DAB1: variants seen among roughly 807,000 people sequenced by gnomAD.
The protein encoded by DAB1 is DAB adaptor protein 1.
Under a neutral mutation model 64.6 loss-of-function variants are expected in DAB1, and 15 were observed. The observed-to-expected ratio is 0.23, with a 90% confidence interval of 0.16 to 0.36. The LOEUF (loss-of-function observed/expected upper bound fraction) is 0.36. DAB1 is among the 10% of genes least tolerant of loss of function. The pLI is 1.00. For missense variants in DAB1, 596 were observed against 706.7 expected (o/e 0.84, Z 1.78); for synonymous variants, 235 against 251.9 (o/e 0.93, Z 0.64).
At chr1:57,293,125 G>T (rs1177331649) in intron 1 of DAB1, among the ~76,000 whole-genome samples, 1 of 152,088 alleles carries the variant, frequency 6.6e-6, no homozygotes, top group Non-Finnish European at 1.5e-5. Flanking sequence ...ACCAGTAAAA[G>T]GAGGCACGAC....
chr1:57,217,544 G>C (rs1666521025), intron 2 of DAB1, among the ~76,000 whole-genome samples: 1 of 152,062 alleles, frequency 6.6e-6, no homozygotes, highest in Non-Finnish European at 1.5e-5. Context: ...GCTTATCACT[G>C]AAACACATCC....
intron 5 of DAB1, among the ~76,000 whole-genome samples, chr1:58,025,007 A>G (rs1266069842): frequency 6.6e-6 from 1 of 152,006 alleles, no homozygotes; most frequent in Non-Finnish European, 1.5e-5. Context: ...AAGTCTATCT[A>G]CCATCTATCT....
intron 1 of DAB1, among the ~76,000 whole-genome samples, chr1:57,829,141 C>A (rs1652479662): frequency 6.6e-6 from 1 of 152,108 alleles, no homozygotes; most frequent in Non-Finnish European, 1.5e-5. Context: ...GGCACAGGTT[C>A]ACTTACAGCA....
intron 1 of DAB1, among the ~76,000 whole-genome samples, chr1:57,341,795 C>T (rs1041625912): frequency 1.3e-5 from 2 of 152,160 alleles, no homozygotes; most frequent in East Asian, 1.9e-4. Context: ...GAAGTGTTCT[C>T]CACTCATCTA....
intron 4 of DAB1, among the ~76,000 whole-genome samples, chr1:58,167,536 G>A (rs955484162): frequency 6.6e-6 from 1 of 152,236 alleles, no homozygotes. Flanking sequence ...GGTCAAATAA[G>A]GGAATAAAAG....
chr1:57,472,907 T>C (rs181330311), intron 7 of DAB1, among the ~76,000 whole-genome samples: 1 of 152,182 alleles, frequency 6.6e-6, no homozygotes, highest in East Asian at 1.9e-4. Flanking sequence ...CAGCAAAAAA[T>C]GCACTAAAAT....
At chr1:58,404,796 G>T (rs1403097388) in intron 3 of DAB1, among the ~76,000 whole-genome samples, 1 of 152,200 alleles carries the variant, frequency 6.6e-6, no homozygotes, top group East Asian at 1.9e-4. Flanking sequence ...ATGAAGAGAA[G>T]AAACACTGTT....
At position 57,260,589 on chromosome 1, in the gene DAB1, C is replaced by T. The variant is rs535744790; in HGVS notation, c.67+30375G>A. Among the ~76,000 whole-genome samples the T allele has an allele frequency of 2.0e-5, 3 of 152,252 alleles. No homozygotes were observed. In the East Asian group the frequency reaches 5.8e-4, roughly 29 times the overall value. On this transcript the variant is annotated intron_variant, in intron 2 of 14. Coordinates refer to ENST00000371236, the MANE Select transcript of DAB1 (RefSeq NM_001365792.1). ...AAGAGTCAATGACATGACACAAACCCCACAGATCCTGAGGCTGCATGGCAC... is the reference window on the plus strand; with the variant it reads ...AAGAGTCAATGACATGACACAAACCTCACAGATCCTGAGGCTGCATGGCAC...
chr1:57,363,554 GT>G (rs879879850), intron 1 of DAB1, among the ~76,000 whole-genome samples: 4 of 152,140 alleles, frequency 2.6e-5, no homozygotes, highest in Non-Finnish European at 5.9e-5. Flanking sequence ...ACCTCATAGT[GT>G]TTTTGTGAAA....
intron 6 of DAB1, among the ~76,000 whole-genome samples, chr1:57,743,244 C>T (rs1334114913): frequency 6.6e-6 from 1 of 152,172 alleles, no homozygotes; most frequent in Admixed American, 6.5e-5. Flanking sequence ...ATAGCCTTAA[C>T]TGATGACATT....
At chr1:57,956,702 G>C (rs1010448181) in intron 5 of DAB1, among the ~76,000 whole-genome samples, 1 of 152,180 alleles carries the variant, frequency 6.6e-6, no homozygotes, top group African/African-American at 2.4e-5. Context: ...GACCAAAATA[G>C]AGAAGAAGTT....
chr1:57,294,491 G>A (rs950744067), intron 1 of DAB1, among the ~76,000 whole-genome samples: 36 of 151,942 alleles, frequency 2.4e-4, no homozygotes, highest in Non-Finnish European at 4.6e-4. Context: ...AAGCATGAAG[G>A]TTTCAGCAGC....
Position 57,687,599 on chromosome 1 carries a change from C to CAAAAAA in DAB1, n.552-37940_552-37935dup, listed in dbSNP as rs57316234. ...GAATATCGAAAGTAATCTTAAGAAA[C>CAAAAAA]AAAAAAAAAAAAAAAAAAAAGAAAA... On this transcript the variant is annotated intron_variant and non_coding_transcript_variant, in intron 6 of 20. Transcript: ENST00000485760. Among the ~76,000 whole-genome samples the CAAAAAA allele has an allele frequency of 8.5e-3, 703 of 82,436 alleles. 19 individuals carry two copies. The highest frequency in any genetic ancestry group is 0.028 in the African/African-American group (646 of 22,934). The allele number at this position is 82,436 out of a possible 152,430, so 54.1% of individuals were successfully genotyped here.
At chr1:58,542,092 C>A (rs1335880038) in intron 1 of DAB1, among the ~76,000 whole-genome samples, 1 of 152,198 alleles carries the variant, frequency 6.6e-6, no homozygotes, top group Non-Finnish European at 1.5e-5. Context: ...GTAATTCATA[C>A]ATCCTGCCCT....
At chr1:57,156,927 C>A (rs561882897) in intron 2 of DAB1, among the ~76,000 whole-genome samples, 1 of 152,202 alleles carries the variant, frequency 6.6e-6, no homozygotes, top group African/African-American at 2.4e-5. Context: ...GCAGAAGTCT[C>A]TGCCAATGTT....
At chr1:57,124,885 C>A (rs959874395) in intron 4 of DAB1, among the ~76,000 whole-genome samples, 2 of 152,114 alleles carry the variant, frequency 1.3e-5, no homozygotes, top group South Asian at 2.1e-4. Flanking sequence ...GAGTCAGCAT[C>A]AAAAAATCAC....
intron 3 of DAB1, among the ~76,000 whole-genome samples, chr1:58,445,640 T>C (rs1465733740): frequency 4.6e-5 from 7 of 152,358 alleles, no homozygotes; most frequent in African/African-American, 1.4e-4. Flanking sequence ...AACCTGGATG[T>C]GTGGCGAGAG....
intron 1 of DAB1, among the ~76,000 whole-genome samples, chr1:57,335,435 A>C (rs1570306874): frequency 6.6e-6 from 1 of 152,204 alleles, no homozygotes; most frequent in Admixed American, 6.5e-5. Flanking sequence ...TGAGGATTAA[A>C]TTGCATTTCA....
At chr1:57,610,675 A>T (rs1645715034) in intron 7 of DAB1, among the ~76,000 whole-genome samples, 1 of 152,216 alleles carries the variant, frequency 6.6e-6, no homozygotes. Flanking sequence ...TTCACAGGGC[A>T]GCAGGAGAGA....
Sources: allele counts gnomAD v4.1 joint callset (sites outside exome capture counted in the v4.1 genomes callset), GRCh38; gene constraint gnomAD v4.1.1; transcripts MANE v1.5; gene names NCBI Gene and HGNC (gene_info 2026-07-23, HGNC 2026-07-21).